COL22A1: variants seen among roughly 807,000 people sequenced by gnomAD.
COL22A1 encodes the protein collagen alpha-1(XXII) chain.
Under a neutral mutation model 248.9 loss-of-function variants are expected in COL22A1, and 221 were observed. The observed-to-expected ratio is 0.89, with a 90% CI of 0.80 to 0.99. COL22A1 has a LOEUF of 0.99. Ranked by LOEUF, COL22A1 falls within the 50% of genes least tolerant of loss-of-function variation. The probability of loss-of-function intolerance (pLI) is 0.00; values close to 1 mark genes in which losing one functional copy is unlikely to be tolerated. For synonymous variants in COL22A1, 891 were observed against 793.4 expected, an observed-to-expected ratio of 1.12 and a Z score of -2.07; for missense variants, 2,240 against 2,179.0, an observed-to-expected ratio of 1.03 and a Z score of -0.56.
At chr8:138,766,780 T>A (rs928808778) in intron 16 of COL22A1, among the ~76,000 whole-genome samples, 1 of 152,160 alleles carries the variant, frequency 6.6e-6, no homozygotes, top group African/African-American at 2.4e-5. Flanking sequence ...TGCCACAGCA[T>A]CTGGGACAGG....
chr8:138,767,693 C>G (rs1762546943), intron 16 of COL22A1, among the ~76,000 whole-genome samples: 1 of 152,214 alleles, frequency 6.6e-6, no homozygotes, highest in Non-Finnish European at 1.5e-5. Flanking sequence ...AACCCAGTCT[C>G]CAGACAGTGC....
Position 138,878,237 on chromosome 8 carries a change from G to A in COL22A1, c.171C>T (p.Val57=). 6.3e-7 allele frequency: 1 copy of A among 1,592,444 alleles called. No individual in the cohort carries two copies. Among genetic ancestry groups the A allele is most frequent in the Non-Finnish European group, 8.6e-7 (1 of 1,169,322 alleles). Residue 57 remains valine, a synonymous_variant, in exon 3 of 65, where the codon GTC becomes GTT. Coordinates refer to ENST00000303045, the MANE Select transcript of COL22A1 (RefSeq NM_152888.3). ...CCACCAGGTTGGCCACCCACTGCCG[G>A]ACCTTCTCAAAGTCCTCCTTGCCCA... The part of the protein sequence containing the change: ...SSVGKEDFEK[V]RQWVANLVDT...
chr8:138,900,666 C>T (rs114914783), intron 1 of COL22A1, among the ~76,000 whole-genome samples: 22 of 152,256 alleles, frequency 1.4e-4, no homozygotes, highest in African/African-American at 5.3e-4. Context: ...TGGCCACTTT[C>T]ATTCTAAAGC....
chr8:138,720,888 C>G (rs142590403), intron 26 of COL22A1, 96 bp from the exon 27 acceptor site: 4 of 1,005,440 alleles, frequency 4.0e-6, no homozygotes, highest in Middle Eastern at 2.3e-4. Context: ...AGAGAACTAC[C>G]TGCACTCGGG....
intron 36 of COL22A1, among the ~76,000 whole-genome samples, chr8:138,690,436 TGCCAAGATGGTCATG>T (rs1206258342): frequency 6.6e-6 from 1 of 152,136 alleles, no homozygotes; most frequent in Non-Finnish European, 1.5e-5. Context: ...AGGAGGGGCT[TGCCAAGATGGTCATG>T]TCAATTAATA....
intron 16 of COL22A1, among the ~76,000 whole-genome samples, chr8:138,773,803 G>A (rs1274620711): frequency 2.0e-5 from 3 of 152,230 alleles, no homozygotes; most frequent in South Asian, 2.1e-4. Context: ...GACAGCCAGC[G>A]TGTGACCCCC....
Position 138,883,167 on chromosome 8 carries a change from G to A in COL22A1, c.6C>T (p.Ala2=), listed in dbSNP as rs147567223. 21 of 1,588,582 alleles carry A rather than the reference G, an allele frequency of 1.3e-5. No individual in the cohort carries two copies. In the African/African-American group the frequency reaches 1.3e-4, roughly 10 times the overall value. M[A]GLRGNAVAGL... ...CAGCCACAGCGTTCCCTCGGAGGCC[G>A]GCCATGGCTCTCCTGTTCTTGGGGA... is the stretch of plus-strand genomic sequence containing the variant. Residue 2 remains alanine (A), a synonymous_variant, in exon 2 of 65, where the codon GCC becomes GCT. Coordinates refer to ENST00000303045, the MANE Select transcript of COL22A1 (RefSeq NM_152888.3).
intron 41 of COL22A1, among the ~76,000 whole-genome samples, chr8:138,666,391 C>T (rs1824506755): frequency 6.6e-6 from 1 of 152,182 alleles, no homozygotes; most frequent in Non-Finnish European, 1.5e-5. Flanking sequence ...ACTTTAACCC[C>T]AATCAGAGGC....
chr8:138,646,762 G>A, intron 46 of COL22A1, 80 bp from the exon 47 acceptor site: 1 of 996,454 alleles, frequency 1.0e-6, no homozygotes, highest in African/African-American at 1.6e-5. Context: ...CATGCCATCA[G>A]CCTCGTACCT....
At chr8:138,702,988 T>A (rs1828092230) in intron 31 of COL22A1, among the ~76,000 whole-genome samples, 1 of 152,208 alleles carries the variant, frequency 6.6e-6, no homozygotes, top group Admixed American at 6.5e-5. Context: ...GTCATGGTAG[T>A]GCAGTCTTAC....
chr8:138,834,257 T>C (rs1330009732), intron 4 of COL22A1, among the ~76,000 whole-genome samples: 1 of 151,874 alleles, frequency 6.6e-6, no homozygotes, highest in African/African-American at 2.4e-5. Flanking sequence ...GATAATATAC[T>C]TCTCGGTATT....
chr8:138,837,286 G>A (rs1820511059), intron 4 of COL22A1, among the ~76,000 whole-genome samples: 1 of 152,204 alleles, frequency 6.6e-6, no homozygotes, highest in Non-Finnish European at 1.5e-5. Flanking sequence ...CAGAGTGCAT[G>A]ACTGGGAGCA....
At chr8:138,807,261 C>A (rs1054148706) in intron 10 of COL22A1, among the ~76,000 whole-genome samples, 3 of 152,128 alleles carry the variant, frequency 2.0e-5, no homozygotes, top group African/African-American at 7.2e-5. Context: ...GGTGAACTCT[C>A]CACTGTGCCT....
intron 39 of COL22A1, among the ~76,000 whole-genome samples, chr8:138,681,313 G>A (rs1825945977): frequency 6.6e-6 from 1 of 152,114 alleles, no homozygotes; most frequent in Non-Finnish European, 1.5e-5. Context: ...TGTGAGTTAG[G>A]TAGTAATACA....
intron 22 of COL22A1, among the ~76,000 whole-genome samples, chr8:138,739,712 A>G (rs1831403140): frequency 6.6e-6 from 1 of 152,216 alleles, no homozygotes; most frequent in Non-Finnish European, 1.5e-5. Flanking sequence ...ATGCAGTCCC[A>G]AGCCATGACG....
intron 35 of COL22A1, among the ~76,000 whole-genome samples, chr8:138,693,086 C>G (rs11785534): frequency 0.38 from 57,370 of 152,018 alleles, 11,094 homozygotes; most frequent in South Asian, 0.46. Context: ...TCTCTGGCTC[C>G]GCACCATGAG....
intron 3 of COL22A1, among the ~76,000 whole-genome samples, chr8:138,873,345 G>A (rs1335572906): frequency 2.6e-5 from 4 of 152,154 alleles, no homozygotes; most frequent in Middle Eastern, 3.4e-3. Flanking sequence ...TTTCTTTGGC[G>A]GGGGTGGGGT....
chr8:138,679,475 G>C, intron 40 of COL22A1, 142 bp downstream of exon 40: 1 of 716,896 alleles, frequency 1.4e-6, no homozygotes, highest in Non-Finnish European at 2.5e-6. Context: ...CCTTGTCTGG[G>C]ATCTTCTTCC....
chr8:138,646,265 T>C (rs925632701), intron 47 of COL22A1, among the ~76,000 whole-genome samples: 1 of 152,206 alleles, frequency 6.6e-6, no homozygotes, highest in Non-Finnish European at 1.5e-5. Context: ...TTTTTATGTA[T>C]CATATCATTC....
Sources: allele counts gnomAD v4.1 joint callset (sites outside exome capture counted in the v4.1 genomes callset), GRCh38; gene constraint gnomAD v4.1.1; transcripts MANE v1.5; gene names NCBI Gene and HGNC (gene_info 2026-07-23, HGNC 2026-07-21).